The following KRT7 variants were observed in gnomAD, a reference collection of about 807,000 sequenced individuals.
The protein encoded by KRT7 is keratin, type II cytoskeletal 7.
Under a neutral mutation model 42.8 loss-of-function variants are expected in KRT7, and 50 were observed. The observed-to-expected ratio is 1.17, with a 90% CI of 0.93 to 1.48. KRT7 has a LOEUF of 1.48. KRT7 is among the 40% of genes most tolerant of loss of function. The probability of loss-of-function intolerance (pLI) is 0.00; values close to 1 mark genes in which losing one functional copy is unlikely to be tolerated. For missense variants in KRT7, 588 were observed against 637.6 expected (o/e 0.92, Z 0.84); for synonymous variants, 268 against 266.3 (o/e 1.01, Z -0.06).
At chr12:52,244,423 G>A in intron 6 of KRT7, 4 of 985,792 alleles carry the variant, frequency 4.1e-6, no homozygotes, top group Non-Finnish European at 4.8e-6. Flanking sequence ...GGGCGTCATG[G>A]GGAGCTACAA....
Position 52,235,282 on chromosome 12 carries a change from A to G in KRT7, c.452A>G (p.Gln151Arg). The G allele has an allele frequency of 6.2e-7, 1 of 1,614,162 alleles. No homozygotes were observed. Among genetic ancestry groups the G allele is most frequent in the Non-Finnish European group, 8.5e-7 (1 of 1,180,010 alleles). Residue 151 changes from glutamine to arginine, a missense_variant, in exon 2 of 9, where the codon CAG (glutamine) becomes CGG (arginine). Coordinates refer to ENST00000331817, the MANE Select transcript of KRT7 (RefSeq NM_005556.4). ...FEAQIAGLRG[Q>R]LEALQVDGGR... The stretch of plus-strand genomic sequence containing the variant: ...GCCCAGATTGCTGGCCTTCGGGGTC[A>G]GCTTGAGGCACTGCAGGTGGATGGG...
At chr12:52,242,255 G>A (rs561599350) in intron 5 of KRT7, among the ~76,000 whole-genome samples, 62 of 152,318 alleles carry the variant, frequency 4.1e-4, no homozygotes, top group African/African-American at 1.5e-3. Flanking sequence ...TTATAGGCGT[G>A]AGACACCGCA....
At position 52,233,443 on chromosome 12, in the gene KRT7, G is replaced by A. The variant is rs932445762; in HGVS notation, c.147G>A (p.Val49=). ...LYGLGASRPR[V]AVRSAYGGPV... is the part of the protein sequence containing the mutation. ...GCCTCGGCGCCTCACGGCCGCGCGT[G>A]GCCGTGCGCTCTGCCTATGGGGGCC... Residue 49 remains valine, a synonymous_variant, in exon 1 of 9, where the codon GTG becomes GTA. Coordinates refer to ENST00000331817, the MANE Select transcript of KRT7 (RefSeq NM_005556.4). The A allele has an allele frequency of 1.9e-6, 3 of 1,571,600 alleles. No homozygotes were observed. Among genetic ancestry groups the A allele is most frequent in the Non-Finnish European group, 2.6e-6 (3 of 1,165,888 alleles).
chr12:52,234,547 A>G (rs1005247767), intron 1 of KRT7, among the ~76,000 whole-genome samples: 3 of 151,908 alleles, frequency 2.0e-5, no homozygotes, highest in African/African-American at 7.3e-5. Context: ...CTCCAGGCCC[A>G]GGTTCCCCCA....
downstream of KRT7, chr12:52,249,033 C>T (rs1942223849): frequency 3.4e-6 from 1 of 293,324 alleles, no homozygotes; most frequent in Non-Finnish European, 6.3e-6. Context: ...TGAGAAGGCA[C>T]ATGGTGGGAT....
At chr12:52,241,673 G>C in intron 5 of KRT7, 37 bp downstream of exon 5, 1 of 1,549,668 alleles carries the variant, frequency 6.5e-7, no homozygotes. Context: ...CTCCTGCCAG[G>C]GTCCTTGGTG....
chr12:52,240,867 G>A (rs1282928001), intron 4 of KRT7, among the ~76,000 whole-genome samples: 1 of 151,982 alleles, frequency 6.6e-6, no homozygotes, highest in East Asian at 1.9e-4. Context: ...TTGGTGTGCT[G>A]CACCCATCAA....
At chr12:52,250,789 A>G, downstream of KRT7, 1 of 390,716 alleles carries the variant, frequency 2.6e-6, no homozygotes, top group East Asian at 4.9e-5. Context: ...TCCTTGATAC[A>G]CTGTTAGCCC....
rs751916903 is a variant in KRT7 at position 52,241,524 on chromosome 12, T to C, written c.746T>C (p.Met249Thr). ...QISDTSVVLS[M>T]DNSRSLDLDG... Reference sequence around the variant, plus strand: ...TCCGACACATCTGTGGTGCTGTCCATGGACAACAGTCGCTCCCTGGACCTG... The same window carrying C: ...TCCGACACATCTGTGGTGCTGTCCACGGACAACAGTCGCTCCCTGGACCTG... Residue 249 changes from methionine to threonine, a missense_variant, in exon 5 of 9, where the codon ATG becomes ACG. By Grantham distance (81) the Met-to-Thr change is moderately conservative. Transcript: ENST00000331817. 39 of 1,613,952 alleles carry C rather than the reference T, an allele frequency of 2.4e-5. No individual in the cohort carries two copies. Among genetic ancestry groups the C allele is most frequent in the Non-Finnish European group, 3.3e-5 (39 of 1,179,884 alleles).
chr12:52,255,337 T>C (rs1942321764), downstream of KRT7: 1 of 456,796 alleles, frequency 2.2e-6, no homozygotes, highest in Non-Finnish European at 4.4e-6. Flanking sequence ...ACAAGGATTC[T>C]GGGGTCACTC....
downstream of KRT7, chr12:52,252,503 T>C (rs1410755354): frequency 6.8e-6 from 11 of 1,612,642 alleles, no homozygotes; most frequent in Non-Finnish European, 7.6e-6. Context: ...GGGAGGGTTA[T>C]TAAGGATCTC....
intron 2 of KRT7, among the ~76,000 whole-genome samples, chr12:52,235,968 A>C (rs1309622024): frequency 6.6e-6 from 1 of 152,182 alleles, no homozygotes; most frequent in African/African-American, 2.4e-5. Flanking sequence ...CAGGAGCCAG[A>C]AGGAGGCTCA....
chr12:52,248,513 G>A (rs1942212028), intron 8 of KRT7, 78 bp from the exon 9 acceptor site: 12 of 1,394,358 alleles, frequency 8.6e-6, no homozygotes, highest in Non-Finnish European at 1.2e-5. Context: ...TGGGGCAGGA[G>A]GGTGGGGTGC....
In KRT7 at chr12:52,235,286, T is replaced by A; in HGVS notation, c.456T>A (p.Leu152=). The A allele has an allele frequency of 6.2e-7, 1 of 1,614,116 alleles. No individual in the cohort carries two copies. The highest frequency in any genetic ancestry group is 8.5e-7 in the Non-Finnish European group (1 of 1,179,994). ...AGATTGCTGGCCTTCGGGGTCAGCT[T>A]GAGGCACTGCAGGTGGATGGGGGCC... The part of the protein sequence containing the change: ...EAQIAGLRGQ[L]EALQVDGGRL... Residue 152 remains leucine, a synonymous_variant, in exon 2 of 9, where the codon CTT becomes CTA. Coordinates refer to ENST00000331817, the MANE Select transcript of KRT7 (RefSeq NM_005556.4).
intron 5 of KRT7, among the ~76,000 whole-genome samples, chr12:52,242,680 C>T (rs1942110096): frequency 6.6e-6 from 1 of 152,134 alleles, no homozygotes; most frequent in South Asian, 2.1e-4. Context: ...ACTCTCCTCA[C>T]CTGTGAAATG....
At chr12:52,238,147 C>A (rs566933542) in intron 3 of KRT7, among the ~76,000 whole-genome samples, 1 of 152,098 alleles carries the variant, frequency 6.6e-6, no homozygotes, top group East Asian at 1.9e-4. Flanking sequence ...GAGGCCTGTC[C>A]GTAGGAGTTT....
intron 4 of KRT7, among the ~76,000 whole-genome samples, chr12:52,239,159 T>G (rs1158001109): frequency 6.6e-6 from 1 of 152,164 alleles, no homozygotes; most frequent in Non-Finnish European, 1.5e-5. Context: ...TGCATTTTAT[T>G]GCAGCCTACA....
At chr12:52,235,929 G>A (rs1460824894) in intron 2 of KRT7, among the ~76,000 whole-genome samples, 1 of 152,192 alleles carries the variant, frequency 6.6e-6, no homozygotes, top group South Asian at 2.1e-4. Context: ...TGCGAGGGCC[G>A]CAGAGGCTGA....
intron 3 of KRT7, among the ~76,000 whole-genome samples, chr12:52,238,028 T>G (rs550125418): frequency 3.2e-4 from 48 of 152,316 alleles, no homozygotes; most frequent in African/African-American, 1.1e-3. Context: ...CTACATGCCC[T>G]TTAAGATTCT....
Sources: gnomAD v4.1 joint callset for allele counts (sites outside exome capture counted in the v4.1 genomes callset) on GRCh38, gnomAD v4.1.1 for gene constraint, MANE v1.5 for transcripts, NCBI Gene and HGNC (gene_info 2026-07-23, HGNC 2026-07-21) for gene names.